The following MBNL1 variants were observed in gnomAD, a reference collection of about 807,000 sequenced individuals.
The protein encoded by MBNL1 is muscleblind like splicing regulator 1.
A neutral mutation model predicts 42.2 loss-of-function variants in MBNL1; 8 were observed. The observed-to-expected ratio is 0.19, with a 90% CI of 0.11 to 0.34. MBNL1 has a LOEUF of 0.34. Ranked by LOEUF, MBNL1 falls within the 10% of genes least tolerant of loss-of-function variation. MBNL1 has a pLI of 1.00. For missense variants in MBNL1, 309 were observed against 495.3 expected (o/e 0.62, Z 3.57); for synonymous variants, 169 against 173.9 (o/e 0.97, Z 0.22).
At chr3:152,364,943 A>G (rs952609942) in intron 2 of MBNL1, among the ~76,000 whole-genome samples, 4 of 152,044 alleles carry the variant, frequency 2.6e-5, no homozygotes, top group African/African-American at 9.7e-5. Flanking sequence ...CAGCTGCATG[A>G]AAATGGACTG....
intron 2 of MBNL1, among the ~76,000 whole-genome samples, chr3:152,333,221 C>T (rs1266482649): frequency 2.0e-5 from 3 of 152,080 alleles, no homozygotes; most frequent in African/African-American, 7.2e-5. Context: ...CCTGTTAATG[C>T]CTCCGAAGAT....
At chr3:152,289,378 T>G (rs1025684750) in intron 1 of MBNL1, among the ~76,000 whole-genome samples, 1 of 152,134 alleles carries the variant, frequency 6.6e-6, no homozygotes, top group African/African-American at 2.4e-5. Context: ...GTTTAATCTC[T>G]GGACCTAGTT....
intron 2 of MBNL1, among the ~76,000 whole-genome samples, chr3:152,332,226 T>C (rs1273227930): frequency 2.0e-5 from 3 of 152,230 alleles, no homozygotes. Context: ...TCATTTGTTA[T>C]GATCTATCTT....
intron 2 of MBNL1, among the ~76,000 whole-genome samples, chr3:152,366,054 A>G (rs2096345283): frequency 6.6e-6 from 1 of 152,162 alleles, no homozygotes; most frequent in Non-Finnish European, 1.5e-5. Context: ...TCCAGAATGA[A>G]GTAGTTGGCT....
rs1333120958 is a variant in MBNL1, at chr3:152,299,990, G to C, written c.-204G>C. 2 of 515,344 alleles carry C rather than the reference G, an allele frequency of 3.9e-6. No individual in the cohort carries two copies. The highest frequency in any genetic ancestry group is 6.8e-6 in the Non-Finnish European group (2 of 293,574). The allele number at this position is 515,344 out of a possible 1,614,324, so 31.9% of individuals were successfully genotyped here. On this transcript the variant is annotated 5_prime_UTR_variant, in exon 2 of 10. It removes an upstream start codon present in the reference 5' UTR. Transcript: ENST00000324210. ...AACCTCTTTGAATTAACAGTTTCAT[G>C]CTGTGAATTTCTAGTGGGAGATCTT...
intron 2 of MBNL1, among the ~76,000 whole-genome samples, chr3:152,350,299 TG>T (rs2094813081): frequency 6.6e-6 from 1 of 152,150 alleles, no homozygotes; most frequent in African/African-American, 2.4e-5. Context: ...TAGTAATCTT[TG>T]AAAGCAGATG....
At chr3:152,335,893 G>A (rs373393826) in intron 2 of MBNL1, among the ~76,000 whole-genome samples, 4 of 152,132 alleles carry the variant, frequency 2.6e-5, no homozygotes, top group African/African-American at 9.7e-5. Context: ...GAACAGACTT[G>A]TTTAACTTCA....
intron 9 of MBNL1, among the ~76,000 whole-genome samples, chr3:152,460,489 A>G (rs903774618): frequency 4.0e-5 from 6 of 149,324 alleles, no homozygotes; most frequent in Non-Finnish European, 8.9e-5. Context: ...GGGGAGGGAT[A>G]GCATTGGGAG....
chr3:152,384,544 T>C lies in MBNL1; in HGVS notation c.175-30397T>C, dbSNP rs574949080. On this transcript the variant is annotated intron_variant, in intron 2 of 9. Transcript: ENST00000324210. ...AATGACAATACTATAGAACAACATA[T>C]CTTAGAAAAAGAAACTACATGACAA... Among the ~76,000 whole-genome samples the C allele has an allele frequency of 1.5e-4, 23 of 152,152 alleles. No individual in the cohort carries two copies. The East Asian group carries it at 4.4e-3, about 29-fold the overall frequency.
chr3:152,433,094 A>G (rs1296885325), intron 4 of MBNL1, among the ~76,000 whole-genome samples, 174 bp downstream of exon 4: 2 of 152,314 alleles, frequency 1.3e-5, no homozygotes, highest in Admixed American at 6.5e-5. Context: ...TGATTAATGT[A>G]ACGTTTATAA....
chr3:152,386,279 A>G (rs2097419198), intron 2 of MBNL1, among the ~76,000 whole-genome samples: 1 of 152,086 alleles, frequency 6.6e-6, no homozygotes, highest in Non-Finnish European at 1.5e-5. Context: ...TTTATGAACA[A>G]GAGAATGCAT....
chr3:152,323,444 T>C (rs2077551081), intron 2 of MBNL1, among the ~76,000 whole-genome samples: 1 of 152,100 alleles, frequency 6.6e-6, no homozygotes, highest in Non-Finnish European at 1.5e-5. Context: ...AAAAAATATA[T>C]ATGTACACAC....
At chr3:152,354,606 T>A (rs2095368393) in intron 2 of MBNL1, among the ~76,000 whole-genome samples, 1 of 151,918 alleles carries the variant, frequency 6.6e-6, no homozygotes, top group Non-Finnish European at 1.5e-5. Flanking sequence ...GGTTTTATAT[T>A]CCCAATTATT....
intron 4 of MBNL1, among the ~76,000 whole-genome samples, chr3:152,442,983 A>G (rs971724622): frequency 6.6e-6 from 1 of 152,212 alleles, no homozygotes; most frequent in East Asian, 1.9e-4. Context: ...TAAAAATATG[A>G]AAGAGTCAAA....
At chr3:152,277,298 T>A (rs76717825) in intron 1 of MBNL1, among the ~76,000 whole-genome samples, 4,646 of 152,272 alleles carry the variant, frequency 0.031, 87 homozygotes, top group Middle Eastern at 0.058. Flanking sequence ...TATTTTGTTA[T>A]TTGCTGAGAA....
At chr3:152,433,362 A>C (rs1052499903) in intron 4 of MBNL1, among the ~76,000 whole-genome samples, 1 of 152,242 alleles carries the variant, frequency 6.6e-6, no homozygotes, top group African/African-American at 2.4e-5. Context: ...TAGTGTCTAT[A>C]AAACATTTTA....
intron 2 of MBNL1, among the ~76,000 whole-genome samples, chr3:152,387,618 C>T (rs2097505075): frequency 1.3e-5 from 2 of 151,950 alleles, no homozygotes; most frequent in Non-Finnish European, 2.9e-5. Flanking sequence ...TAAAACTGTC[C>T]TTACTGTGTT....
intron 1 of MBNL1, among the ~76,000 whole-genome samples, chr3:152,286,923 A>G (rs1288238853): frequency 6.6e-6 from 1 of 152,164 alleles, no homozygotes; most frequent in East Asian, 1.9e-4. Context: ...GGCATGATTA[A>G]TAGTTGTATA....
At chr3:152,457,986 C>T (rs948055520) in intron 8 of MBNL1, 1 of 619,992 alleles carries the variant, frequency 1.6e-6, no homozygotes, top group South Asian at 1.9e-5. Context: ...TCTACATATA[C>T]ATACATATGT....
Sources: allele counts gnomAD v4.1 joint callset (sites outside exome capture counted in the v4.1 genomes callset), GRCh38; gene constraint gnomAD v4.1.1; transcripts MANE v1.5; gene names NCBI Gene and HGNC (gene_info 2026-07-23, HGNC 2026-07-21).